Variants in WWTR1 observed in about 807,000 individuals in gnomAD.
The protein encoded by WWTR1 is WW domain containing transcription regulator 1.
Under a neutral mutation model 40.1 loss-of-function variants are expected in WWTR1, and 13 were observed. That is an observed-to-expected ratio of 0.32 (90% confidence interval 0.21 to 0.52). The LOEUF (loss-of-function observed/expected upper bound fraction) is 0.52, where lower values mean the gene tolerates loss of function less well. Ranked by LOEUF, WWTR1 falls within the 20% of genes least tolerant of loss-of-function variation. The probability of loss-of-function intolerance (pLI) is 0.97; values close to 1 mark genes in which losing one functional copy is unlikely to be tolerated. For synonymous variants in WWTR1, 230 were observed against 210.1 expected (o/e 1.09, Z -0.82); for missense variants, 436 against 523.1 (o/e 0.83, Z 1.63).
intron 4 of WWTR1, among the ~76,000 whole-genome samples, chr3:149,536,930 A>G (rs1735868199): frequency 6.6e-6 from 1 of 152,144 alleles, no homozygotes; most frequent in African/African-American, 2.4e-5. Flanking sequence ...TTCCAGAAAG[A>G]TGGCCCCAAA....
intron 2 of WWTR1, among the ~76,000 whole-genome samples, chr3:149,652,218 G>A (rs967036563): frequency 6.6e-6 from 1 of 151,786 alleles, no homozygotes; most frequent in African/African-American, 2.4e-5. Flanking sequence ...TACAGGTTAT[G>A]GGTTCAGGGC....
intron 5 of WWTR1, among the ~76,000 whole-genome samples, chr3:149,711,357 T>C (rs1397635129): frequency 2.0e-5 from 3 of 152,160 alleles, no homozygotes; most frequent in Non-Finnish European, 4.4e-5. Flanking sequence ...GATCTTGATA[T>C]AATAGTCAAA....
At chr3:149,589,161 C>A (rs1278128284) in intron 2 of WWTR1, among the ~76,000 whole-genome samples, 1 of 152,164 alleles carries the variant, frequency 6.6e-6, no homozygotes, top group Non-Finnish European at 1.5e-5. Flanking sequence ...CATCTTATAT[C>A]CAGCACCTGT....
At chr3:149,638,916 T>C (rs970960865) in intron 2 of WWTR1, among the ~76,000 whole-genome samples, 4 of 152,144 alleles carry the variant, frequency 2.6e-5, no homozygotes, top group African/African-American at 9.7e-5. Context: ...AAGCCGTCAC[T>C]CTACCACCAG....
At chr3:149,553,435 G>A (rs76903445) in intron 3 of WWTR1, among the ~76,000 whole-genome samples, 2 of 152,000 alleles carry the variant, frequency 1.3e-5, no homozygotes, top group East Asian at 1.9e-4. Context: ...TGGGATCAAC[G>A]TGAATCGCAT....
chr3:149,722,296 T>C (rs1246875016), intron 4 of WWTR1, among the ~76,000 whole-genome samples: 3 of 152,060 alleles, frequency 2.0e-5, no homozygotes, highest in Non-Finnish European at 4.4e-5. Flanking sequence ...TTGGGTTTAG[T>C]TTCTTTTACT....
chr3:149,547,043 T>A (rs913198338), intron 3 of WWTR1, among the ~76,000 whole-genome samples: 3 of 152,076 alleles, frequency 2.0e-5, no homozygotes, highest in African/African-American at 7.2e-5. Context: ...GCTTCACTTG[T>A]GGTTGAGGTT....
In WWTR1 at chr3:149,594,950, C is replaced by CTTTT. The variant is rs563658190; in HGVS notation, c.432-21954_432-21951dup. Among the ~76,000 whole-genome samples, 242 of 61,770 alleles carry CTTTT rather than the reference C, an allele frequency of 3.9e-3. 24 individuals are homozygous for CTTTT. The highest frequency in any genetic ancestry group is 5.3e-3 in the Non-Finnish European group (154 of 29,042). 40.5% of individuals were successfully genotyped at this position (61,770 alleles called of 152,430 possible). ...CATATTGCCTATAACCTCTTTTTTA[C>CTTTT]TTTTTTTTTTTTTTTTTTTTTTTTT... is the stretch of plus-strand genomic sequence containing the variant. On this transcript the variant is annotated intron_variant, in intron 2 of 6. Transcript: ENST00000360632.
At chr3:149,704,728 C>CA (rs1248361296), upstream of WWTR1, among the ~76,000 whole-genome samples, 1 of 151,886 alleles carries the variant, frequency 6.6e-6, no homozygotes, top group African/African-American at 2.4e-5. Context: ...CAAAAGGTAA[C>CA]AAGCTTCATC....
intron 5 of WWTR1, among the ~76,000 whole-genome samples, chr3:149,708,642 C>A (rs955480666): frequency 6.6e-5 from 10 of 152,128 alleles, no homozygotes; most frequent in Non-Finnish European, 1.5e-4. Flanking sequence ...TAGTGTGTGT[C>A]AGAACTTTTT....
Position 149,527,718 on chromosome 3 carries a change from A to G in WWTR1, c.905+118T>C, listed in dbSNP as rs551936096. On this transcript the variant is annotated intron_variant, in intron 5 of 6. Coordinates refer to ENST00000360632, the MANE Select transcript of WWTR1 (RefSeq NM_015472.6). ...CCAGCTCCTCCCACTTCCTCCCTTT[A>G]TTCTCACCCTCAACCCTCAAGCTCC... 47 of 1,422,548 alleles carry G rather than the reference A, an allele frequency of 3.3e-5. No homozygotes were observed. In the South Asian group the frequency reaches 5.2e-4, roughly 16 times the overall value. The allele number at this position is 1,422,548 out of a possible 1,614,324, so 88.1% of individuals were successfully genotyped here. A position where few individuals can be genotyped will look rare whatever the true frequency, so the allele number is the denominator to read the frequency against.
intron 2 of WWTR1, among the ~76,000 whole-genome samples, chr3:149,628,831 T>G (rs1711498475): frequency 1.3e-5 from 2 of 151,774 alleles, no homozygotes; most frequent in South Asian, 4.2e-4. Flanking sequence ...TAGAGTACAG[T>G]GGCATGATAA....
At chr3:149,602,102 A>C (rs1397979817) in intron 2 of WWTR1, among the ~76,000 whole-genome samples, 1 of 152,186 alleles carries the variant, frequency 6.6e-6, no homozygotes, top group African/African-American at 2.4e-5. Flanking sequence ...AACTACCAAT[A>C]TGCATTTGCA....
chr3:149,623,478 C>A lies in WWTR1; in HGVS notation c.431+33398G>T, dbSNP rs986639025. ...TAGGGTACAGCTATAAAATGGAATT[C>A]TGGGCAGTCCCAAAGGCCATGCTAT... is the stretch of plus-strand genomic sequence containing the variant. On this transcript the variant is annotated intron_variant, in intron 2 of 6. Coordinates refer to ENST00000360632, the MANE Select transcript of WWTR1 (RefSeq NM_015472.6). Among the ~76,000 whole-genome samples the A allele has an allele frequency of 2.6e-5, 4 of 152,266 alleles. No individual in the cohort carries two copies. In the East Asian group the frequency reaches 7.7e-4, roughly 29 times the overall value.
chr3:149,567,124 G>A (rs1737363221), intron 3 of WWTR1, among the ~76,000 whole-genome samples: 1 of 151,372 alleles, frequency 6.6e-6, no homozygotes, highest in South Asian at 2.1e-4. Context: ...CCAACAAAAA[G>A]CCTCATTAGT....
chr3:149,674,125 T>C (rs1470488899), intron 1 of WWTR1, among the ~76,000 whole-genome samples: 1 of 135,348 alleles, frequency 7.4e-6, no homozygotes, highest in African/African-American at 2.8e-5. Context: ...GAGGCTGAGG[T>C]GGAAGGATTG....
chr3:149,554,342 C>CA (rs948059790), intron 3 of WWTR1, among the ~76,000 whole-genome samples: 2 of 152,196 alleles, frequency 1.3e-5, no homozygotes, highest in African/African-American at 4.8e-5. Flanking sequence ...CCAGATGCCC[C>CA]AAGCCTGTCT....
chr3:149,558,002 C>CAAAAAA, intron 3 of WWTR1, among the ~76,000 whole-genome samples: 1 of 82,958 alleles, frequency 1.2e-5, no homozygotes, highest in Non-Finnish European at 2.9e-5. Context: ...GGCTCCATCT[C>CAAAAAA]AAAAAAAAAA....
At chr3:149,577,804 C>T (rs1381654734) in intron 2 of WWTR1, among the ~76,000 whole-genome samples, 1 of 151,946 alleles carries the variant, frequency 6.6e-6, no homozygotes, top group Non-Finnish European at 1.5e-5. Context: ...GGTGGGGTGG[C>T]ACTCCCACCC....
Sources: allele counts gnomAD v4.1 joint callset (sites outside exome capture counted in the v4.1 genomes callset), GRCh38; gene constraint gnomAD v4.1.1; transcripts MANE v1.5; gene names NCBI Gene and HGNC (gene_info 2026-07-23, HGNC 2026-07-21).